Variants in RASA3 observed in about 807,000 individuals in gnomAD.
RASA3 encodes ras GTPase-activating protein 3.
A neutral mutation model predicts 110.0 loss-of-function variants in RASA3; 73 were observed. The ratio of observed to expected loss-of-function variants is 0.66; its 90% CI spans 0.55 to 0.81. The LOEUF (loss-of-function observed/expected upper bound fraction) is 0.81. RASA3 is among the 30% of genes least tolerant of loss of function. The pLI, the probability that RASA3 is intolerant of heterozygous loss-of-function variation, is 0.00. For missense variants in RASA3, 976 were observed against 1,113.2 expected (o/e 0.88, Z 1.75); for synonymous variants, 500 against 451.4 (o/e 1.11, Z -1.37).
At chr13:114,123,771 C>A (rs902373589) in intron 1 of RASA3, among the ~76,000 whole-genome samples, 1 of 152,184 alleles carries the variant, frequency 6.6e-6, no homozygotes, top group African/African-American at 2.4e-5. Flanking sequence ...GAGCCACGGC[C>A]CCCATGCAGG....
intron 2 of RASA3, among the ~76,000 whole-genome samples, chr13:114,053,405 C>T (rs2079187080): frequency 6.6e-6 from 1 of 152,242 alleles, no homozygotes; most frequent in African/African-American, 2.4e-5. Flanking sequence ...GACCTGTTGG[C>T]GATTACTGCG....
chr13:113,989,106 T>C (rs1221321611), intron 22 of RASA3, among the ~76,000 whole-genome samples: 1 of 132,102 alleles, frequency 7.6e-6, no homozygotes. Flanking sequence ...CACCCATCTG[T>C]CCATCACCAT....
At chr13:114,109,229 C>T (rs1211143198) in intron 1 of RASA3, among the ~76,000 whole-genome samples, 1 of 152,206 alleles carries the variant, frequency 6.6e-6, no homozygotes, top group African/African-American at 2.4e-5. Context: ...CCTCTGGTGC[C>T]AGGGTCTTGC....
At chr13:114,042,383 CAT>C (rs1276126723) in intron 3 of RASA3, among the ~76,000 whole-genome samples, 3 of 152,374 alleles carry the variant, frequency 2.0e-5, no homozygotes, top group East Asian at 1.9e-4. Flanking sequence ...GTCGCACACA[CAT>C]GTGAAGTCTG....
At chr13:114,122,743 C>T (rs61971991) in intron 1 of RASA3, among the ~76,000 whole-genome samples, 1 of 149,146 alleles carries the variant, frequency 6.7e-6, no homozygotes, top group African/African-American at 2.5e-5. Flanking sequence ...GGTCTCCGGC[C>T]GGTCGGCCCC....
chr13:114,033,740 C>G (rs939106216), intron 4 of RASA3, among the ~76,000 whole-genome samples: 1 of 152,238 alleles, frequency 6.6e-6, no homozygotes, highest in Non-Finnish European at 1.5e-5. Context: ...TCTGTGCTGC[C>G]CAGGCAGGTG....
intron 3 of RASA3, among the ~76,000 whole-genome samples, chr13:114,042,490 C>T (rs1438214821): frequency 6.6e-6 from 1 of 152,258 alleles, no homozygotes; most frequent in Non-Finnish European, 1.5e-5. Flanking sequence ...CACACACGCC[C>T]TCCTTAAGGA....
chr13:114,102,930 C>T (rs1278096965), intron 1 of RASA3, among the ~76,000 whole-genome samples: 1 of 151,980 alleles, frequency 6.6e-6, no homozygotes, highest in East Asian at 1.9e-4. Context: ...GGCCTGAGTC[C>T]AGCCCCAGGC....
intron 1 of RASA3, among the ~76,000 whole-genome samples, chr13:114,119,199 A>T (rs2080332926): frequency 6.6e-6 from 1 of 152,206 alleles, no homozygotes; most frequent in African/African-American, 2.4e-5. Context: ...CTTAGCAAAA[A>T]TGTAGTGAGA....
At chr13:114,030,321 T>C (rs2054124005) in intron 4 of RASA3, among the ~76,000 whole-genome samples, 1 of 151,466 alleles carries the variant, frequency 6.6e-6, no homozygotes, top group African/African-American at 2.4e-5. Context: ...CGAGGCCGGA[T>C]GGAGGCCCGC....
chr13:113,982,335 G>A (rs2052955415), intron 22 of RASA3, among the ~76,000 whole-genome samples: 1 of 152,232 alleles, frequency 6.6e-6, no homozygotes, highest in Non-Finnish European at 1.5e-5. Flanking sequence ...AGCTGCCACT[G>A]AGCATGTCCA....
intron 4 of RASA3, among the ~76,000 whole-genome samples, chr13:114,033,462 TGACACCAC>T (rs2054218669): frequency 6.2e-5 from 1 of 16,150 alleles, no homozygotes; most frequent in Non-Finnish European, 1.2e-4. Flanking sequence ...ACCCCCACAC[TGACACCAC>T]GCCCCACGGC....
intron 1 of RASA3, among the ~76,000 whole-genome samples, chr13:114,089,412 AG>A (rs1254406872): frequency 6.6e-6 from 1 of 151,744 alleles, no homozygotes; most frequent in Non-Finnish European, 1.5e-5. Flanking sequence ...CCTGGCATGG[AG>A]GGCAGGAGGC....
chr13:113,992,385 A>C (rs1055898148), intron 22 of RASA3, 100 bp downstream of exon 22: 2 of 887,846 alleles, frequency 2.3e-6, no homozygotes, highest in Admixed American at 2.0e-5. Context: ...ACTACACCAG[A>C]GGCTCAGACC....
intron 1 of RASA3, among the ~76,000 whole-genome samples, chr13:114,122,515 G>A (rs2080391840): frequency 6.6e-6 from 1 of 152,174 alleles, no homozygotes; most frequent in Admixed American, 6.5e-5. Flanking sequence ...GGGTGCTTGG[G>A]GCCGAACCAC....
intron 4 of RASA3, among the ~76,000 whole-genome samples, chr13:114,039,627 G>A (rs537797052): frequency 6.6e-6 from 1 of 152,350 alleles, no homozygotes; most frequent in East Asian, 1.9e-4. Flanking sequence ...TCACAGACCA[G>A]GGCTCAGGGT....
intron 1 of RASA3, among the ~76,000 whole-genome samples, chr13:114,109,657 ACTCT>A (rs1433516416): frequency 6.6e-6 from 1 of 151,942 alleles, no homozygotes; most frequent in Non-Finnish European, 1.5e-5. Context: ...GGAGCCCAGG[ACTCT>A]CTGACTTAAG....
At chr13:114,060,926 G>GCCCCCACAGCCGGCAGACGGAGC (rs1566539789) in intron 2 of RASA3, among the ~76,000 whole-genome samples, 13 of 150,986 alleles carry the variant, frequency 8.6e-5, no homozygotes, top group Admixed American at 5.3e-4. Context: ...GGCAGACGGA[G>GCCCCCACAGCCGGCAGACGGAGC]CCCCCACAGC....
chr13:114,075,511 G>C (rs71437267), intron 1 of RASA3, among the ~76,000 whole-genome samples: 5,365 of 58,852 alleles, frequency 0.091, 266 homozygotes, highest in Non-Finnish European at 0.11. Context: ...CTCCCGTGTC[G>C]GCGCCGCGTA....
Sources: allele counts gnomAD v4.1 joint callset (sites outside exome capture counted in the v4.1 genomes callset), GRCh38; gene constraint gnomAD v4.1.1; transcripts MANE v1.5; gene names NCBI Gene and HGNC (gene_info 2026-07-23, HGNC 2026-07-21).